The following ADAMTS20 variants were observed in gnomAD, a reference collection of about 807,000 sequenced individuals.
ADAMTS20 encodes A disintegrin and metalloproteinase with thrombospondin motifs 20.
ADAMTS20 carries 225 observed loss-of-function variants against 260.1 expected under a neutral mutation model. The ratio of observed to expected loss-of-function variants is 0.87; its 90% CI spans 0.78 to 0.97. ADAMTS20 has a LOEUF of 0.97. ADAMTS20 is among the 50% of genes least tolerant of loss of function. ADAMTS20 has a pLI of 0.00. For synonymous variants in ADAMTS20, 802 were observed against 769.5 expected (o/e 1.04, Z -0.70); for missense variants, 2,400 against 2,337.7 (o/e 1.03, Z -0.55).
intron 7 of ADAMTS20, among the ~76,000 whole-genome samples, chr12:43,476,839 C>T (rs1942361721): frequency 6.9e-6 from 1 of 144,156 alleles, no homozygotes; most frequent in Non-Finnish European, 1.5e-5. Flanking sequence ...ACTCTGGGGA[C>T]TGTGGTGGGG....
At chr12:43,372,428 T>C (rs1231474133) in intron 36 of ADAMTS20, among the ~76,000 whole-genome samples, 1 of 152,180 alleles carries the variant, frequency 6.6e-6, no homozygotes, top group Non-Finnish European at 1.5e-5. Context: ...TGATAAGGAC[T>C]GTTTCCTGGA....
intron 10 of ADAMTS20, among the ~76,000 whole-genome samples, chr12:43,464,152 G>A (rs1489828531): frequency 2.0e-5 from 3 of 151,836 alleles, no homozygotes; most frequent in Non-Finnish European, 4.4e-5. Flanking sequence ...TAAACAATAT[G>A]CCCCAAATTT....
In ADAMTS20 at chr12:43,428,803, T is replaced by C; in HGVS notation, c.3490-4A>G. 1 of 1,600,110 alleles carries C rather than the reference T, an allele frequency of 6.2e-7. No individual in the cohort carries two copies. The highest frequency in any genetic ancestry group is 8.5e-7 in the Non-Finnish European group (1 of 1,171,642). ...CTCTTCCACAAGATACGGAGCACTT[T>C]TTAAGAAATCAAATTGTATCCGGGC... On this transcript the variant is annotated splice_region_variant and splice_polypyrimidine_tract_variant and intron_variant, in intron 24 of 38. Coordinates refer to ENST00000389420, the MANE Select transcript of ADAMTS20 (RefSeq NM_025003.5).
At chr12:43,475,780 T>C (rs1040962809) in intron 7 of ADAMTS20, among the ~76,000 whole-genome samples, 8 of 150,722 alleles carry the variant, frequency 5.3e-5, no homozygotes, top group Admixed American at 4.0e-4. Context: ...CTGGGAAAAC[T>C]TGCTAGCCAT....
chr12:43,369,422 A>G, intron 36 of ADAMTS20, 41 bp from the exon 37 acceptor site: 1 of 1,208,268 alleles, frequency 8.3e-7, no homozygotes, highest in Non-Finnish European at 1.1e-6. Flanking sequence ...TGGAGACAAT[A>G]ATGCAATCGT....
chr12:43,502,172 T>C lies in ADAMTS20; in HGVS notation c.847A>G (p.Ile283Val), dbSNP rs1208205930. 5 of 1,602,106 alleles carry C rather than the reference T, an allele frequency of 3.1e-6. No individual in the cohort carries two copies. In the South Asian group the frequency reaches 3.4e-5, roughly 11 times the overall value. The change falls in exon 4 of 39, where the codon ATA (isoleucine) becomes GTA (valine). Residue 283 changes from isoleucine (I) to valine (V), a missense_variant. Coordinates refer to ENST00000389420, the MANE Select transcript of ADAMTS20 (RefSeq NM_025003.5). ...SAHGSNLQNY[I>V]LTLMSIVATI... is the part of the protein sequence containing the mutation. ...CTTACAATTGACATTAGAGTCAGTA[T>C]ATAGTTTTGCAAATTCGATCCATGA... is the stretch of plus-strand genomic sequence containing the variant.
At chr12:43,437,923 A>T (rs1038176951) in intron 18 of ADAMTS20, among the ~76,000 whole-genome samples, 2 of 152,308 alleles carry the variant, frequency 1.3e-5, no homozygotes, top group Middle Eastern at 6.8e-3. Flanking sequence ...AGAAAAATCA[A>T]ATTGATAAAT....
At chr12:43,463,047 A>G (rs761928718) in intron 10 of ADAMTS20, 48 bp from the exon 11 acceptor site, 1 of 1,290,896 alleles carries the variant, frequency 7.7e-7, no homozygotes, top group Admixed American at 2.0e-5. Flanking sequence ...ATAACACCAC[A>G]ACACTGGTTC....
chr12:43,377,553 T>G lies in ADAMTS20; in HGVS notation c.4807A>C (p.Asn1603His), dbSNP rs141686511. 6.2e-7 allele frequency: 1 copy of G among 1,609,502 alleles called. No homozygotes were observed. The highest frequency in any genetic ancestry group is 8.5e-7 in the Non-Finnish European group (1 of 1,177,344). Reference protein sequence around the residue: ...VTADSSQCANNCGFSYRQRIT... With the variant: ...VTADSSQCANHCGFSYRQRIT... Reference sequence around the variant, plus strand: ...CTTTGTCTGTAACTAAATCCACAGTTGTTTGCACACTGAAAAATACATAAT... The same window carrying G: ...CTTTGTCTGTAACTAAATCCACAGTGGTTTGCACACTGAAAAATACATAAT... Residue 1603 changes from asparagine (N) to histidine (H), a missense_variant, in exon 32 of 39, where the codon AAC becomes CAC. Asn to His is a moderately conservative substitution (Grantham distance 68). Coordinates refer to ENST00000389420, the MANE Select transcript of ADAMTS20 (RefSeq NM_025003.5).
chr12:43,493,733 G>GT (rs1942639025), intron 4 of ADAMTS20, among the ~76,000 whole-genome samples: 1 of 152,204 alleles, frequency 6.6e-6, no homozygotes, highest in Non-Finnish European at 1.5e-5. Context: ...ATAAAAATAT[G>GT]TAAGTTTTAC....
At chr12:43,364,765 C>G (rs778340914) in intron 37 of ADAMTS20, among the ~76,000 whole-genome samples, 14 of 151,840 alleles carry the variant, frequency 9.2e-5, no homozygotes, top group Non-Finnish European at 1.6e-4. Flanking sequence ...AAAGAAGCAT[C>G]AAAAGGACAG....
Position 43,383,878 on chromosome 12 carries a change from G to A in ADAMTS20, c.4552C>T (p.Arg1518Ter), listed in dbSNP as rs144900305. ...VVEEMCDQST[R>*]PCSQRRCWSQ... is the part of the protein sequence containing the mutation. ...CAACATCGCCTCTGAGAACAAGGTC[G>A]GGTGGACTGATCACACATTTCTTCA... The change falls in exon 30 of 39, where the codon CGA becomes TGA. Residue 1518 changes from arginine (R) to a stop codon, truncating the protein, a stop_gained. Transcript: ENST00000389420. LOFTEE classifies it high-confidence loss of function. 93 of 1,613,716 alleles carry A rather than the reference G, an allele frequency of 5.8e-5. No individual in the cohort carries two copies. Among genetic ancestry groups the A allele is most frequent in the East Asian group, 4.0e-4 (18 of 44,884 alleles).
chr12:43,439,875 T>C (rs1378511995), intron 17 of ADAMTS20, 22 bp downstream of exon 17: 20 of 1,595,824 alleles, frequency 1.3e-5, no homozygotes, highest in Non-Finnish European at 1.7e-5. Flanking sequence ...CCAAGTGTTA[T>C]TACTGATGAC....
Position 43,429,661 on chromosome 12 carries a change from GA to G in ADAMTS20, c.3444del (p.Leu1149SerfsTer2). ...SKLETALLPT[V>X]LIKKMAQWRH... is the part of the protein sequence containing the mutation. The stretch of plus-strand genomic sequence containing the variant: ...CGCCATTGTGCCATCTTTTTTATGA[GA>G]ACAGTTGGTAATAAAGCGGTCTCAA... On this transcript the variant is annotated frameshift_variant, in exon 24 of 39. Transcript: ENST00000389420. LOFTEE classifies it high-confidence loss of function. 6.2e-7 allele frequency: 1 copy of G among 1,600,688 alleles called. No homozygotes were observed. The highest frequency in any genetic ancestry group is 8.5e-7 in the Non-Finnish European group (1 of 1,172,712).
At chr12:43,401,263 A>G (rs574147395) in intron 28 of ADAMTS20, among the ~76,000 whole-genome samples, 1 of 152,052 alleles carries the variant, frequency 6.6e-6, no homozygotes, top group Admixed American at 6.6e-5. Context: ...GTTTGATATG[A>G]CTTATCTAGA....
intron 3 of ADAMTS20, among the ~76,000 whole-genome samples, chr12:43,505,395 G>A (rs947354902): frequency 1.2e-4 from 18 of 152,074 alleles, no homozygotes; most frequent in African/African-American, 4.3e-4. Context: ...TATCTGATAA[G>A]GAATTAATAT....
At chr12:43,466,588 A>T (rs1565560879) in intron 9 of ADAMTS20, 64 bp downstream of exon 9, 6 of 1,485,498 alleles carry the variant, frequency 4.0e-6, no homozygotes, top group Non-Finnish European at 4.6e-6. Context: ...ACCACCTTTA[A>T]AAATATCAAT....
chr12:43,381,464 A>G (rs1436174674), intron 31 of ADAMTS20, among the ~76,000 whole-genome samples: 1 of 152,020 alleles, frequency 6.6e-6, no homozygotes, highest in Non-Finnish European at 1.5e-5. Flanking sequence ...CCCAGAATAT[A>G]TAAATAATTT....
intron 36 of ADAMTS20, among the ~76,000 whole-genome samples, chr12:43,370,401 C>T (rs1424853602): frequency 2.0e-5 from 3 of 152,202 alleles, no homozygotes; most frequent in Non-Finnish European, 4.4e-5. Flanking sequence ...ACAAATCAGA[C>T]TTTTTCTTCC....
Sources: gnomAD v4.1 joint callset for allele counts (sites outside exome capture counted in the v4.1 genomes callset) on GRCh38, gnomAD v4.1.1 for gene constraint, MANE v1.5 for transcripts, NCBI Gene and HGNC (gene_info 2026-07-23, HGNC 2026-07-21) for gene names.